The following SKA2 variants were observed in gnomAD, a reference collection of about 807,000 sequenced individuals.
SKA2 encodes spindle and kinetochore associated complex subunit 2.
Under a neutral mutation model 16.9 loss-of-function variants are expected in SKA2, and 13 were observed. That is an observed-to-expected ratio of 0.77 (90% CI 0.50 to 1.22). The LOEUF is 1.22. Among genes scored for constraint, SKA2 ranks in the 50% most tolerant of loss-of-function variants. SKA2 has a pLI of 0.00. For synonymous variants in SKA2, 47 were observed against 48.5 expected, an observed-to-expected ratio of 0.97 and a Z score of 0.13; for missense variants, 107 against 139.7, an observed-to-expected ratio of 0.77 and a Z score of 1.18.
chr17:59,152,281 C>T (rs905807690), intron 1 of SKA2, among the ~76,000 whole-genome samples: 2 of 152,078 alleles, frequency 1.3e-5, no homozygotes, highest in Non-Finnish European at 2.9e-5. Flanking sequence ...AATATATTTT[C>T]ATTATTTTCA....
intron 1 of SKA2, 129 bp downstream of exon 1, chr17:59,155,002 G>A: frequency 1.2e-6 from 2 of 1,613,796 alleles, no homozygotes; most frequent in South Asian, 1.1e-5. Context: ...TTTGGTGCAG[G>A]AGGAGGGAAC....
At chr17:59,121,307 CAT>C (rs981976819) in intron 2 of SKA2, among the ~76,000 whole-genome samples, 2 of 151,810 alleles carry the variant, frequency 1.3e-5, no homozygotes, top group Non-Finnish European at 2.9e-5. Flanking sequence ...AAGAGTGAAA[CAT>C]ATGATACAAC....
chr17:59,118,633 G>T (rs2046312408), intron 3 of SKA2, among the ~76,000 whole-genome samples: 1 of 152,120 alleles, frequency 6.6e-6, no homozygotes, highest in African/African-American at 2.4e-5. Flanking sequence ...ACACAACCCT[G>T]TTTTAAATTC....
chr17:59,126,007 T>G (rs967913624), intron 2 of SKA2, among the ~76,000 whole-genome samples: 2 of 151,612 alleles, frequency 1.3e-5, no homozygotes, highest in Non-Finnish European at 2.9e-5. Flanking sequence ...CCGCCTCTAC[T>G]AAAAATACAA....
At chr17:59,135,042 C>T (rs548832579) in intron 1 of SKA2, among the ~76,000 whole-genome samples, 2 of 152,072 alleles carry the variant, frequency 1.3e-5, no homozygotes, top group South Asian at 4.1e-4. Context: ...ACCATATTGG[C>T]CAGGCTGGTC....
chr17:59,115,656 C>T (rs2046291635), intron 3 of SKA2, among the ~76,000 whole-genome samples: 2 of 152,154 alleles, frequency 1.3e-5, no homozygotes, highest in African/African-American at 4.8e-5. Flanking sequence ...CGCAGTGGTG[C>T]GGTCATAGCT....
At chr17:59,126,082 A>G (rs561438587) in intron 2 of SKA2, among the ~76,000 whole-genome samples, 4,378 of 151,862 alleles carry the variant, frequency 0.029, 168 homozygotes, top group African/African-American at 0.089. Context: ...GAGGCAGGAG[A>G]ATGGCGTGAA....
At chr17:59,119,251 G>A in intron 3 of SKA2, 68 bp downstream of exon 3, 1 of 1,529,976 alleles carries the variant, frequency 6.5e-7, no homozygotes, top group Middle Eastern at 1.7e-4. Flanking sequence ...GTTACATCAG[G>A]TTTATTTTTC....
rs1274657632 is a variant in SKA2 at position 59,112,304 on chromosome 17, T to C, written c.339A>G (p.Gln113=). 1 of 1,611,248 alleles carries C rather than the reference T, an allele frequency of 6.2e-7. No individual in the cohort carries two copies. The highest frequency in any genetic ancestry group is 8.5e-7 in the Non-Finnish European group (1 of 1,179,586). ...LTKEEKTAAE[Q]FKFHMPDL ...ATAAATCTGGCATGTGAAATTTGAA[T>C]TGCTCTGCCGCAGTTTTCTCTTCTT... is the stretch of plus-strand genomic sequence containing the variant. The change falls in exon 4 of 4, where the codon CAA becomes CAG. Residue 113 remains glutamine (Q), a synonymous_variant. Transcript: ENST00000330137.
chr17:59,142,108 T>A (rs889658563), intron 1 of SKA2, among the ~76,000 whole-genome samples: 4 of 152,158 alleles, frequency 2.6e-5, no homozygotes, highest in African/African-American at 7.2e-5. Flanking sequence ...CTGCCCATCA[T>A]GAAGTCATGA....
intron 2 of SKA2, among the ~76,000 whole-genome samples, chr17:59,121,664 AAAG>A (rs1431246170): frequency 6.7e-6 from 1 of 149,830 alleles, no homozygotes; most frequent in Non-Finnish European, 1.5e-5. Flanking sequence ...AAAAAAAAAA[AAAG>A]GTCGGGCGCG....
At chr17:59,148,171 A>C (rs1460059821) in intron 1 of SKA2, among the ~76,000 whole-genome samples, 1 of 152,138 alleles carries the variant, frequency 6.6e-6, no homozygotes, top group Non-Finnish European at 1.5e-5. Flanking sequence ...AATTTTAAAA[A>C]ATTATAAGCA....
chr17:59,130,039 C>CG (rs1166965927), intron 2 of SKA2, among the ~76,000 whole-genome samples: 45 of 95,128 alleles, frequency 4.7e-4, no homozygotes, highest in Non-Finnish European at 7.3e-4. Context: ...GAGAAAGAGG[C>CG]GGGGGGGAGA....
chr17:59,116,941 G>A (rs376643208), intron 3 of SKA2, among the ~76,000 whole-genome samples: 4 of 147,620 alleles, frequency 2.7e-5, no homozygotes, highest in Admixed American at 6.9e-5. Flanking sequence ...TCAGCCTCCC[G>A]AGTAGCTGGT....
rs1439000706 is a variant in SKA2, at chr17:59,111,490, CATACAT to C, written c.*781_*786del. On this transcript the variant is annotated 3_prime_UTR_variant, in exon 4 of 4. Transcript: ENST00000330137. ...TAGTTATTTTAAAGGGAAATTGACA[CATACAT>C]ATAACACACTCACGCAAAACTGGCA... 6.6e-6 allele frequency: 1 copy of C among 152,176 alleles called. No individual in the cohort carries two copies. The highest frequency in any genetic ancestry group is 2.4e-5 in the African/African-American group (1 of 41,424). The allele number at this position is 152,176 out of a possible 1,614,324, so 9.4% of individuals were successfully genotyped here.
At position 59,112,308 on chromosome 17, in the gene SKA2, T is replaced by C. The variant is rs1391245555; in HGVS notation, c.335A>G (p.Glu112Gly). The C allele has an allele frequency of 2.5e-6, 4 of 1,611,314 alleles. No homozygotes were observed. The highest frequency in any genetic ancestry group is 3.3e-5 in the Admixed American group (2 of 59,890). ...PLTKEEKTAA[E>G]QFKFHMPDL ...ATCTGGCATGTGAAATTTGAATTGC[T>C]CTGCCGCAGTTTTCTCTTCTTTAGT... Residue 112 changes from glutamate to glycine, a missense_variant, in exon 4 of 4, where the codon GAG becomes GGG. Transcript: ENST00000330137.
In SKA2 at chr17:59,119,421, T is replaced by C. The variant is rs2046318137; in HGVS notation, c.195A>G (p.Lys65=). The C allele has an allele frequency of 6.2e-7, 1 of 1,614,014 alleles. No individual in the cohort carries two copies. Among genetic ancestry groups the C allele is most frequent in the Non-Finnish European group, 8.5e-7 (1 of 1,179,890 alleles). Residue 65 remains lysine (K), a synonymous_variant, in exon 3 of 4, where the codon AAA becomes AAG. Transcript: ENST00000330137. ...SRYQTLYARF[K]PVAVEQKESK... ...TCTCTTTCTGCTCAACAGCAACTGG[T>C]TTAAAGCGGGCATACAAAGTTTGAT...
intron 1 of SKA2, among the ~76,000 whole-genome samples, chr17:59,142,940 A>T (rs1197007348): frequency 6.6e-6 from 1 of 150,918 alleles, no homozygotes; most frequent in Non-Finnish European, 1.5e-5. Context: ...AAAAAAAAAA[A>T]AAAAAAAAAG....
At chr17:59,141,374 C>T (rs1004766991) in intron 1 of SKA2, among the ~76,000 whole-genome samples, 3 of 151,642 alleles carry the variant, frequency 2.0e-5, no homozygotes, top group Middle Eastern at 3.2e-3. Flanking sequence ...TGCAGCCTGG[C>T]GACAGAGCAA....
Sources: gnomAD v4.1 joint callset for allele counts (sites outside exome capture counted in the v4.1 genomes callset) on GRCh38, gnomAD v4.1.1 for gene constraint, MANE v1.5 for transcripts, NCBI Gene and HGNC (gene_info 2026-07-23, HGNC 2026-07-21) for gene names.